BIRC2: variants seen among roughly 807,000 people sequenced by gnomAD.
The protein encoded by BIRC2 is baculoviral IAP repeat-containing protein 2.
BIRC2 carries 18 observed loss-of-function variants against 60.9 expected under a neutral mutation model. The observed-to-expected ratio is 0.30, with a 90% CI of 0.20 to 0.44. The LOEUF is 0.44. Among genes scored for constraint, BIRC2 ranks in the 20% least tolerant of loss-of-function variants. The pLI is 1.00. For synonymous variants in BIRC2, 282 were observed against 247.7 expected (o/e 1.14, Z -1.30); for missense variants, 701 against 728.5 (o/e 0.96, Z 0.43).
intron 6 of BIRC2, among the ~76,000 whole-genome samples, chr11:102,373,113 CT>C (rs1334714192): frequency 6.7e-6 from 1 of 150,254 alleles, no homozygotes; most frequent in African/African-American, 2.5e-5. Flanking sequence ...GGTCTTGACT[CT>C]TTATCCAATT....
At chr11:102,375,719 G>T (rs1042534381) in intron 6 of BIRC2, among the ~76,000 whole-genome samples, 1 of 151,200 alleles carries the variant, frequency 6.6e-6, no homozygotes, top group Non-Finnish European at 1.5e-5. Context: ...GGCAGAGCTT[G>T]CAGTGAGCCG....
At position 102,349,075 on chromosome 11, in the gene BIRC2, C is replaced by T. The variant is rs1951322868; in HGVS notation, c.-780C>T. On this transcript the variant is annotated 5_prime_UTR_variant, in exon 2 of 9. Coordinates refer to ENST00000227758, the MANE Select transcript of BIRC2 (RefSeq NM_001166.5). ...AGTTAGGAAGAAAGTCAACATGATG[C>T]TGCAGGAAATGGAAACAAATACAAA... is the stretch of plus-strand genomic sequence containing the variant. 6.6e-6 allele frequency: 1 copy of T among 152,554 alleles called. No individual in the cohort carries two copies. The highest frequency in any genetic ancestry group is 2.4e-5 in the African/African-American group (1 of 41,414). 9.5% of individuals were successfully genotyped at this position (152,554 alleles called of 1,614,324 possible).
At chr11:102,359,345 A>T (rs1951458888) in intron 3 of BIRC2, among the ~76,000 whole-genome samples, 1 of 152,102 alleles carries the variant, frequency 6.6e-6, no homozygotes, top group African/African-American at 2.4e-5. Context: ...ACTTTTTTTT[A>T]AAAACCTGTA....
intron 3 of BIRC2, among the ~76,000 whole-genome samples, chr11:102,355,777 T>A (rs1387911552): frequency 3.9e-5 from 6 of 152,192 alleles, no homozygotes. Context: ...TTTCTGTCAT[T>A]TTCAGTTTCC....
rs1342787933 is a variant in BIRC2, at chr11:102,369,410, C to T, written c.1366+862C>T. ...GTTCCCACCTATGAGTGAGAATATG[C>T]GGTGTTTGGTTTTTCGTTCTTGCGA... On this transcript the variant is annotated intron_variant, in intron 6 of 8. Transcript: ENST00000227758. Among the ~76,000 whole-genome samples, 27 of 149,960 alleles carry T rather than the reference C, an allele frequency of 1.8e-4. No individual in the cohort carries two copies. In the East Asian group the frequency reaches 3.4e-3, roughly 19 times the overall value.
intron 5 of BIRC2, among the ~76,000 whole-genome samples, chr11:102,364,154 T>TATAC (rs1555048358): frequency 1.5e-5 from 1 of 67,258 alleles, no homozygotes; most frequent in East Asian, 3.7e-4. Context: ...TATATATATA[T>TATAC]ATATATATAT....
At chr11:102,373,335 C>A (rs1329512801) in intron 6 of BIRC2, among the ~76,000 whole-genome samples, 2 of 152,098 alleles carry the variant, frequency 1.3e-5, no homozygotes, top group Non-Finnish European at 2.9e-5. Context: ...TTAGTGCTTC[C>A]TTCCGGAGCT....
chr11:102,358,861 A>G (rs1951453513), intron 3 of BIRC2, among the ~76,000 whole-genome samples: 1 of 152,216 alleles, frequency 6.6e-6, no homozygotes, highest in Non-Finnish European at 1.5e-5. Context: ...TTAAAGGTGA[A>G]TTGAGTCTCT....
chr11:102,375,552 G>C (rs1208529092), intron 6 of BIRC2, among the ~76,000 whole-genome samples: 1 of 152,072 alleles, frequency 6.6e-6, no homozygotes, highest in African/African-American at 2.4e-5. Flanking sequence ...AGGCCAAGAC[G>C]GGCGGATCAC....
In BIRC2 at chr11:102,363,659, GT is replaced by G; in HGVS notation, c.1075-6del. On this transcript the variant is annotated splice_polypyrimidine_tract_variant and splice_region_variant and intron_variant, in intron 4 of 8. Coordinates refer to ENST00000227758, the MANE Select transcript of BIRC2 (RefSeq NM_001166.5). The stretch of plus-strand genomic sequence containing the variant: ...GCTTTTACCTATTAACTTTTCTCTT[GT>G]TTCATAGCTGTTGTCAACTTCAGAT... 4 of 1,610,360 alleles carry G rather than the reference GT, an allele frequency of 2.5e-6. No homozygotes were observed. Among genetic ancestry groups the G allele is most frequent in the Non-Finnish European group, 3.4e-6 (4 of 1,177,230 alleles).
chr11:102,358,340 T>C (rs1422800414), intron 3 of BIRC2, among the ~76,000 whole-genome samples: 1 of 152,214 alleles, frequency 6.6e-6, no homozygotes, highest in Non-Finnish European at 1.5e-5. Context: ...TTGGAACATT[T>C]TTGGTTTTGC....
At chr11:102,365,737 C>T (rs1951545550) in intron 5 of BIRC2, among the ~76,000 whole-genome samples, 1 of 144,082 alleles carries the variant, frequency 6.9e-6, no homozygotes, top group African/African-American at 2.7e-5. Context: ...CCATCACATT[C>T]AGCTAAGTGT....
Position 102,366,924 on chromosome 11 carries a change from C to T in BIRC2, c.1124-1382C>T, listed in dbSNP as rs12288938. On this transcript the variant is annotated intron_variant, in intron 5 of 8. Coordinates refer to ENST00000227758, the MANE Select transcript of BIRC2 (RefSeq NM_001166.5). ...ATTGTCCTCCTTTTTTTACCTTCTA[C>T]CACCTTCTTTCTGTTTCTTGATCAT... Among the ~76,000 whole-genome samples, 1,431 of 152,314 alleles carry T rather than the reference C, an allele frequency of 9.4e-3. 22 individuals are homozygous for T. The highest frequency in any genetic ancestry group is 0.033 in the African/African-American group (1,358 of 41,572).
chr11:102,351,941 A>G (rs1156768028), intron 3 of BIRC2, among the ~76,000 whole-genome samples: 1 of 152,182 alleles, frequency 6.6e-6, no homozygotes, highest in Non-Finnish European at 1.5e-5. Flanking sequence ...TTTTAAGTGT[A>G]TAGTTGTGTG....
Position 102,365,599 on chromosome 11 carries a change from A to G in BIRC2, c.1123+1883A>G, listed in dbSNP as rs374709159. 1.8e-3 allele frequency among the ~76,000 whole-genome samples: 280 copies of G among 152,288 alleles called. 17 individuals are homozygous for G. In the South Asian group the frequency reaches 0.055, roughly 30 times the overall value. On this transcript the variant is annotated intron_variant, in intron 5 of 8. Coordinates refer to ENST00000227758, the MANE Select transcript of BIRC2 (RefSeq NM_001166.5). ...CGTTGTTTTTTCTTTTTGTGAAACA[A>G]GGTCTCACTTTGTCACCCAGGCTGT...
In BIRC2 at chr11:102,378,162, T is replaced by C; in HGVS notation, c.1836T>C (p.Thr612=). The C allele has an allele frequency of 1.9e-6, 3 of 1,592,288 alleles. No individual in the cohort carries two copies. The highest frequency in any genetic ancestry group is 2.6e-6 in the Non-Finnish European group (3 of 1,173,980). Residue 612 remains threonine, a synonymous_variant, in exon 9 of 9, where the codon ACT becomes ACC. Coordinates refer to ENST00000227758, the MANE Select transcript of BIRC2 (RefSeq NM_001166.5). ...TTTGCAGGGGTATAATCAAGGGTAC[T>C]GTTCGTACATTTCTCTCTTAAAGAA... The part of the protein sequence containing the change: ...CPICRGIIKG[T]VRTFLS
At chr11:102,361,495 T>C (rs575883703) in intron 3 of BIRC2, among the ~76,000 whole-genome samples, 1 of 152,220 alleles carries the variant, frequency 6.6e-6, no homozygotes, top group Admixed American at 6.5e-5. Context: ...AGGAGTGCAG[T>C]AGTGTCTCCC....
Position 102,378,254 on chromosome 11 carries a change from A to C in BIRC2, c.*71A>C. 1 of 1,198,478 alleles carries C rather than the reference A, an allele frequency of 8.3e-7. No homozygotes were observed. Among genetic ancestry groups the C allele is most frequent in the Non-Finnish European group, 1.1e-6 (1 of 893,132 alleles). The allele number at this position is 1,198,478 out of a possible 1,614,324, so 74.2% of individuals were successfully genotyped here. A position where few individuals can be genotyped will look rare whatever the true frequency, so the allele number is the denominator to read the frequency against. ...TATTGTTGAACACTTGAAGCCATCT[A>C]AAGTAAAAAGGGAATTATGAGTTTT... On this transcript the variant is annotated 3_prime_UTR_variant, in exon 9 of 9. Coordinates refer to ENST00000227758, the MANE Select transcript of BIRC2 (RefSeq NM_001166.5).
chr11:102,373,483 T>C (rs1951660460), intron 6 of BIRC2, among the ~76,000 whole-genome samples: 2 of 151,910 alleles, frequency 1.3e-5, no homozygotes, highest in Admixed American at 6.6e-5. Flanking sequence ...TTTAAGAATG[T>C]TGAATATTGG....
Sources: allele counts gnomAD v4.1 joint callset (sites outside exome capture counted in the v4.1 genomes callset), GRCh38; gene constraint gnomAD v4.1.1; transcripts MANE v1.5; gene names NCBI Gene and HGNC (gene_info 2026-07-23, HGNC 2026-07-21).